SYNE2: variants seen among roughly 807,000 people sequenced by gnomAD.
SYNE2 encodes spectrin repeat containing nuclear envelope protein 2.
A neutral mutation model predicts 856.3 loss-of-function variants in SYNE2; 431 were observed. The observed-to-expected ratio is 0.50, with a 90% CI of 0.47 to 0.55. The LOEUF (loss-of-function observed/expected upper bound fraction) is 0.55, where lower values mean the gene tolerates loss of function less well. Among genes scored for constraint, SYNE2 ranks in the 20% least tolerant of loss-of-function variants. The pLI is 0.00. For synonymous variants in SYNE2, 2,923 were observed against 2,872.3 expected (o/e 1.02, Z -0.56); for missense variants, 8,129 against 8,023.2 (o/e 1.01, Z -0.50).
chr14:64,190,486 G>C lies in SYNE2; in HGVS notation c.18038+249G>C, dbSNP rs1248846479. 6.1e-6 allele frequency: 4 copies of C among 651,646 alleles called. No homozygotes were observed. The South Asian group carries it at 7.1e-5, about 12-fold the overall frequency. The allele number at this position is 651,646 out of a possible 1,614,324, so 40.4% of individuals were successfully genotyped here. On this transcript the variant is annotated intron_variant, in intron 99 of 115. Transcript: ENST00000555002. Reference sequence around the variant, plus strand: ...TGAATTAGAGTAGTTTTAATGAAGAGTTGGAAACTGATTTGGAAAGGGATC... The same window carrying C: ...TGAATTAGAGTAGTTTTAATGAAGACTTGGAAACTGATTTGGAAAGGGATC...
rs941512897 is a variant in SYNE2, at chr14:64,091,070, C to T, written c.11976+22C>T. On this transcript the variant is annotated intron_variant, in intron 60 of 115. Transcript: ENST00000555002. Reference sequence around the variant, plus strand: ...AAAGGTAAGCAGTTTCTGATGACATCCAACTTACTGGATGAAAATGTTCAC... The same window carrying T: ...AAAGGTAAGCAGTTTCTGATGACATTCAACTTACTGGATGAAAATGTTCAC... The T allele has an allele frequency of 1.9e-6, 3 of 1,608,866 alleles. No individual in the cohort carries two copies. In the African/African-American group the frequency reaches 4.0e-5, roughly 22 times the overall value.
intron 28 of SYNE2, among the ~76,000 whole-genome samples, chr14:64,001,676 A>T (rs56169604): frequency 0.022 from 3,344 of 152,346 alleles, 58 homozygotes; most frequent in Middle Eastern, 0.058. Flanking sequence ...AAATAAATGT[A>T]TGTTGAATGA....
At chr14:64,048,214 T>C in intron 46 of SYNE2, 59 bp downstream of exon 46, 1 of 1,555,626 alleles carries the variant, frequency 6.4e-7, no homozygotes, top group East Asian at 2.3e-5. Context: ...TGCAATACAA[T>C]ATATTTTAAT....
At position 63,782,349 on chromosome 14, in the gene SYNE2, T is replaced by C. The variant is rs1042017178; in HGVS notation, c.-305+20363T>C. ...CGGGCCTGTTTGCATGTGCCTGTAA[T>C]CCCAGCTACTCAGGAGGTTGAGGCT... On this transcript the variant is annotated intron_variant, in intron 1 of 23. Transcript: ENST00000674003. 2.7e-5 allele frequency among the ~76,000 whole-genome samples: 4 copies of C among 149,588 alleles called. No homozygotes were observed. In the Admixed American group the frequency reaches 2.7e-4, roughly 10 times the overall value.
chr14:63,834,934 G>A (rs1053450547), intron 1 of SYNE2, among the ~76,000 whole-genome samples: 6 of 152,078 alleles, frequency 3.9e-5, no homozygotes, highest in African/African-American at 1.4e-4. Context: ...CACCACGCCT[G>A]GCCACATTTG....
At chr14:63,858,631 C>G (rs1022730486) in intron 1 of SYNE2, among the ~76,000 whole-genome samples, 3 of 152,068 alleles carry the variant, frequency 2.0e-5, no homozygotes, top group Non-Finnish European at 2.9e-5. Context: ...GGCATTAATC[C>G]ATTAATGACA....
At chr14:64,207,686 G>C (rs888880104) in intron 100 of SYNE2, among the ~76,000 whole-genome samples, 13 of 151,430 alleles carry the variant, frequency 8.6e-5, no homozygotes, top group Non-Finnish European at 1.9e-4. Context: ...ACCATTTATA[G>C]TACAGTCCTC....
chr14:64,183,298 C>T lies in SYNE2; in HGVS notation c.17557-3126C>T, dbSNP rs543215015. 7.9e-3 allele frequency among the ~76,000 whole-genome samples: 1,184 copies of T among 149,698 alleles called. 14 individuals are homozygous for T. The highest frequency in any genetic ancestry group is 0.027 in the African/African-American group (1,092 of 40,662). The stretch of plus-strand genomic sequence containing the variant: ...AGACAGGGTGGCGGCCGGGCAGAGG[C>T]GCTCCTCCCATCCCAGACGGGGCGG... On this transcript the variant is annotated intron_variant, in intron 96 of 115. Transcript: ENST00000555002.
chr14:64,179,793 G>A (rs535668092), intron 96 of SYNE2, among the ~76,000 whole-genome samples: 2 of 152,118 alleles, frequency 1.3e-5, no homozygotes, highest in South Asian at 4.2e-4. Context: ...CTTCTACTGA[G>A]TATATACATT....
chr14:64,081,124 A>G (rs922025287), intron 56 of SYNE2, among the ~76,000 whole-genome samples: 5 of 152,242 alleles, frequency 3.3e-5, no homozygotes, highest in Admixed American at 2.6e-4. Flanking sequence ...CCTGAACAGG[A>G]GGACAAAGTA....
intron 1 of SYNE2, among the ~76,000 whole-genome samples, chr14:63,824,949 C>G (rs558060773): frequency 7.5e-4 from 114 of 151,914 alleles, no homozygotes; most frequent in Non-Finnish European, 4.6e-4. Flanking sequence ...CTGGCCAACA[C>G]AGTGAAACCC....
intron 2 of SYNE2, 89 bp from the exon 3 acceptor site, chr14:63,940,525 C>G: frequency 3.4e-6 from 4 of 1,188,988 alleles, no homozygotes; most frequent in Non-Finnish European, 5.0e-6. Context: ...AGGCACACAC[C>G]TAGCGTGACA....
intron 45 of SYNE2, among the ~76,000 whole-genome samples, chr14:64,039,878 C>T (rs928451826): frequency 1.3e-5 from 2 of 152,158 alleles, no homozygotes; most frequent in South Asian, 2.1e-4. Context: ...GACACGGGCC[C>T]TTGAAAAGCT....
intron 97 of SYNE2, among the ~76,000 whole-genome samples, chr14:64,188,248 C>T (rs1027216026): frequency 6.6e-6 from 1 of 152,178 alleles, no homozygotes; most frequent in Admixed American, 6.5e-5. Context: ...TTCATCTAGC[C>T]TTTCCTGTTT....
chr14:64,078,456 T>A lies in SYNE2; in HGVS notation c.11023-10T>A. The A allele has an allele frequency of 1.9e-6, 3 of 1,613,756 alleles. No individual in the cohort carries two copies. The South Asian group carries it at 3.3e-5, about 18-fold the overall frequency. ...TCTCTAAGCCAAATGCGTCTTTGTC[T>A]CTTTCACAGATTAGCAATGAAGTCT... On this transcript the variant is annotated splice_polypyrimidine_tract_variant and intron_variant, in intron 54 of 115. Coordinates refer to ENST00000555002, the MANE Select transcript of SYNE2 (RefSeq NM_182914.3).
chr14:64,062,149 G>A (rs2097322572), intron 49 of SYNE2, among the ~76,000 whole-genome samples: 1 of 151,944 alleles, frequency 6.6e-6, no homozygotes, highest in African/African-American at 2.4e-5. Context: ...TTTTATAACA[G>A]TTCTTTTCTT....
At chr14:63,780,619 T>C (rs1887273452) in intron 1 of SYNE2, among the ~76,000 whole-genome samples, 1 of 152,190 alleles carries the variant, frequency 6.6e-6, no homozygotes, top group African/African-American at 2.4e-5. Context: ...GGACTCTGAA[T>C]GGACATAAAA....
At chr14:64,144,000 C>T (rs746494513) in intron 83 of SYNE2, 52 bp downstream of exon 83, 1 of 1,607,750 alleles carries the variant, frequency 6.2e-7, no homozygotes, top group South Asian at 1.1e-5. Context: ...ATGAAACACA[C>T]TTTCTGAAAA....
At chr14:63,990,363 A>G in intron 19 of SYNE2, 48 bp from the exon 20 acceptor site, 2 of 1,561,982 alleles carry the variant, frequency 1.3e-6, no homozygotes, top group African/African-American at 2.7e-5. Flanking sequence ...AATGTTTAGC[A>G]TATAATCAGA....
Sources: allele counts gnomAD v4.1 joint callset (sites outside exome capture counted in the v4.1 genomes callset), GRCh38; gene constraint gnomAD v4.1.1; transcripts MANE v1.5; gene names NCBI Gene and HGNC (gene_info 2026-07-23, HGNC 2026-07-21).